CGNL1: variants seen among roughly 807,000 people sequenced by gnomAD.
The protein encoded by CGNL1 is cingulin-like protein 1.
A neutral mutation model predicts 141.2 loss-of-function variants in CGNL1; 132 were observed. That is an observed-to-expected ratio of 0.93 (90% CI 0.81 to 1.08). The LOEUF is 1.08. Among genes scored for constraint, CGNL1 ranks in the 50% least tolerant of loss-of-function variants. The probability of loss-of-function intolerance (pLI) is 0.00; values close to 1 mark genes in which losing one functional copy is unlikely to be tolerated. For synonymous variants in CGNL1, 690 were observed against 622.1 expected (o/e 1.11, Z -1.63); for missense variants, 1,870 against 1,588.6 (o/e 1.18, Z -3.01).
rs76316714 is a variant in CGNL1, at chr15:57,429,622, T to C, written c.-15-8363T>C. Among the ~76,000 whole-genome samples the C allele has an allele frequency of 1.6e-4, 24 of 152,356 alleles. No individual in the cohort carries two copies. The East Asian group carries it at 3.5e-3, about 22-fold the overall frequency. ...TTAAATCTCCGCTATGGACATAGCA[T>C]TGTACTTTAGATTCTTAGCCCTCTG... On this transcript the variant is annotated intron_variant, in intron 1 of 18. Transcript: ENST00000281282.
chr15:57,378,385 T>G (rs1262510646), intron 1 of CGNL1, among the ~76,000 whole-genome samples: 5 of 122,674 alleles, frequency 4.1e-5, no homozygotes, highest in Non-Finnish European at 8.6e-5. Flanking sequence ...TTTTTTTTTT[T>G]TTTTTTTTTT....
rs1595800876 is a variant in CGNL1, at chr15:57,528,754, A to G, written c.3140A>G (p.Tyr1047Cys). ...GAGCAGACGCTGAAGGACCTGGAGT[A>G]TGAGCTGGAAGCCAAGAGTCACCTC... The part of the protein sequence containing the change: ...LLEQTLKDLE[Y>C]ELEAKSHLKD... Residue 1047 changes from tyrosine to cysteine, a missense_variant, in exon 13 of 19, where the codon TAT becomes TGT. By Grantham distance (194) the Tyr-to-Cys change is radical (BLOSUM62 -2). Transcript: ENST00000281282. 2 of 1,614,184 alleles carry G rather than the reference A, an allele frequency of 1.2e-6. No homozygotes were observed. The highest frequency in any genetic ancestry group is 8.5e-7 in the Non-Finnish European group (1 of 1,180,026).
At chr15:57,522,785 G>T (rs1322556525) in intron 10 of CGNL1, among the ~76,000 whole-genome samples, 1 of 152,192 alleles carries the variant, frequency 6.6e-6, no homozygotes, top group Non-Finnish European at 1.5e-5. Context: ...CAAGATAGTT[G>T]TATTTTATGG....
At chr15:57,539,352 C>T (rs1440083896) in intron 14 of CGNL1, among the ~76,000 whole-genome samples, 3 of 152,132 alleles carry the variant, frequency 2.0e-5, no homozygotes, top group African/African-American at 7.2e-5. Context: ...ACATTCTGAC[C>T]CCAAGACAGG....
intron 1 of CGNL1, among the ~76,000 whole-genome samples, chr15:57,428,929 A>G (rs2063011397): frequency 6.6e-6 from 1 of 152,078 alleles, no homozygotes; most frequent in Non-Finnish European, 1.5e-5. Context: ...AGGCTGAGGC[A>G]GGAGAATTGC....
At chr15:57,453,605 C>T (rs902832116) in intron 6 of CGNL1, 78 bp from the exon 7 acceptor site, 27 of 1,570,062 alleles carry the variant, frequency 1.7e-5, no homozygotes, top group African/African-American at 2.7e-5. Context: ...GTGTAACCCT[C>T]TGAAGATCAG....
chr15:57,443,988 T>C (rs1385911876), intron 4 of CGNL1, among the ~76,000 whole-genome samples: 1 of 152,188 alleles, frequency 6.6e-6, no homozygotes, highest in Non-Finnish European at 1.5e-5. Context: ...ATTACACAAA[T>C]TGTATCTGTA....
chr15:57,437,135 TGAGC>T (rs2063115114), intron 1 of CGNL1, among the ~76,000 whole-genome samples: 1 of 152,180 alleles, frequency 6.6e-6, no homozygotes, highest in Admixed American at 6.5e-5. Context: ...TCCTGCTTGG[TGAGC>T]TCTCTGCAGT....
chr15:57,460,751 C>A (rs1034131016), intron 7 of CGNL1, among the ~76,000 whole-genome samples: 10 of 152,150 alleles, frequency 6.6e-5, no homozygotes, highest in Non-Finnish European at 1.2e-4. Context: ...AGTGTCCCCC[C>A]CTTGACAAGT....
chr15:57,501,642 TC>T (rs1345226191), intron 8 of CGNL1, among the ~76,000 whole-genome samples: 2 of 151,914 alleles, frequency 1.3e-5, no homozygotes, highest in Non-Finnish European at 2.9e-5. Flanking sequence ...TGTCTGATTT[TC>T]CCCCAGAAGT....
At chr15:57,427,170 A>G (rs1403214071) in intron 1 of CGNL1, among the ~76,000 whole-genome samples, 1 of 152,220 alleles carries the variant, frequency 6.6e-6, no homozygotes, top group Non-Finnish European at 1.5e-5. Flanking sequence ...GGTGTCATCA[A>G]CTTTGCAGGT....
chr15:57,528,413 A>G (rs1567171643), intron 12 of CGNL1, among the ~76,000 whole-genome samples: 1 of 152,196 alleles, frequency 6.6e-6, no homozygotes, highest in Non-Finnish European at 1.5e-5. Flanking sequence ...GCTGGTCAAT[A>G]TCTACCAAAT....
chr15:57,413,959 G>A (rs1398526984), intron 1 of CGNL1, among the ~76,000 whole-genome samples: 1 of 152,202 alleles, frequency 6.6e-6, no homozygotes, highest in Non-Finnish European at 1.5e-5. Flanking sequence ...AGTACCCGGG[G>A]CTATGGATCT....
At chr15:57,392,624 A>G (rs1595654605) in intron 1 of CGNL1, among the ~76,000 whole-genome samples, 1 of 152,306 alleles carries the variant, frequency 6.6e-6, no homozygotes, top group African/African-American at 2.4e-5. Context: ...CTAAGGAAAC[A>G]GTGTAAGTAT....
intron 1 of CGNL1, among the ~76,000 whole-genome samples, chr15:57,393,328 G>A (rs2062563638): frequency 6.6e-6 from 1 of 152,102 alleles, no homozygotes; most frequent in Non-Finnish European, 1.5e-5. Flanking sequence ...ATTTCCTTTG[G>A]AACAAAATGA....
At chr15:57,382,565 C>G (rs1039468939) in intron 1 of CGNL1, among the ~76,000 whole-genome samples, 1 of 152,208 alleles carries the variant, frequency 6.6e-6, no homozygotes, top group Admixed American at 6.5e-5. Context: ...TGTTAATAAT[C>G]TTTTCCTGTT....
intron 12 of CGNL1, among the ~76,000 whole-genome samples, chr15:57,528,404 C>A (rs2031746772): frequency 6.6e-6 from 1 of 152,086 alleles, no homozygotes; most frequent in African/African-American, 2.4e-5. Flanking sequence ...TTAAAAAATG[C>A]TGGTCAATAT....
chr15:57,474,777 G>A (rs2063630217), intron 8 of CGNL1, among the ~76,000 whole-genome samples: 2 of 152,194 alleles, frequency 1.3e-5, no homozygotes, highest in East Asian at 1.9e-4. Context: ...GTCAATAGTG[G>A]TTACTTCTGG....
intron 8 of CGNL1, among the ~76,000 whole-genome samples, chr15:57,466,320 A>C (rs1261507970): frequency 1.3e-5 from 2 of 152,150 alleles, no homozygotes; most frequent in Non-Finnish European, 2.9e-5. Context: ...TGGGCGCTCA[A>C]TAGGGATGTG....
Sources: gnomAD v4.1 joint callset for allele counts (sites outside exome capture counted in the v4.1 genomes callset) on GRCh38, gnomAD v4.1.1 for gene constraint, MANE v1.5 for transcripts, NCBI Gene and HGNC (gene_info 2026-07-23, HGNC 2026-07-21) for gene names.